ARGFX: variants seen among roughly 807,000 people sequenced by gnomAD.
ARGFX encodes arginine-fifty homeobox.
In ARGFX, 10 loss-of-function variants were observed where a neutral mutation model predicts 8.0. That is an observed-to-expected ratio of 1.25 (90% CI 0.77 to 2.12). The LOEUF (loss-of-function observed/expected upper bound fraction) is 2.12, where lower values mean the gene tolerates loss of function less well. Among genes scored for constraint, ARGFX ranks in the 30% most tolerant of loss-of-function variants. ARGFX has a pLI of 0.00. For synonymous variants in ARGFX, 116 were observed against 117.8 expected, an observed-to-expected ratio of 0.98 and a Z score of 0.10; for missense variants, 282 against 324.3, an observed-to-expected ratio of 0.87 and a Z score of 1.00.
chr3:121,588,192 G>A lies in ARGFX; in HGVS notation c.*1592G>A, dbSNP rs374449236. The stretch of plus-strand genomic sequence containing the variant: ...AGTAATAAAGAAACATAAGGGCTGG[G>A]GGTGGTGGCTCATGCCTGTAATCCC... On this transcript the variant is annotated 3_prime_UTR_variant, in exon 5 of 5. Coordinates refer to ENST00000334384, the MANE Select transcript of ARGFX (RefSeq NM_001012659.2). 1.2e-4 allele frequency among the ~76,000 whole-genome samples: 18 copies of A among 151,732 alleles called. No individual in the cohort carries two copies. The highest frequency in any genetic ancestry group is 4.4e-4 in the African/African-American group (18 of 41,352).
At chr3:121,571,789 G>A (rs1382362675) in intron 2 of ARGFX, among the ~76,000 whole-genome samples, 2 of 119,624 alleles carry the variant, frequency 1.7e-5, no homozygotes, top group Non-Finnish European at 3.3e-5. Context: ...TCACCATATT[G>A]GCCAGGCTGG....
intron 3 of ARGFX, among the ~76,000 whole-genome samples, chr3:121,578,174 TG>T (rs2048756328): frequency 6.8e-6 from 1 of 147,394 alleles, no homozygotes; most frequent in African/African-American, 2.6e-5. Flanking sequence ...TTGCCCAGGC[TG>T]GAGTGCAATG....
rs1348418238 is a variant in ARGFX, at chr3:121,589,233, A to C, written c.*2633A>C. 2.0e-5 allele frequency among the ~76,000 whole-genome samples: 3 copies of C among 152,216 alleles called. No individual in the cohort carries two copies. The highest frequency in any genetic ancestry group is 4.4e-5 in the Non-Finnish European group (3 of 68,032). The stretch of plus-strand genomic sequence containing the variant: ...TTGGAAAACACTTTTAACTGAAAAA[A>C]ACAAAAGCACAACAAACCAAAACAT... On this transcript the variant is annotated 3_prime_UTR_variant, in exon 5 of 5. Transcript: ENST00000334384.
At chr3:121,580,194 A>AT (rs2048769845) in intron 3 of ARGFX, among the ~76,000 whole-genome samples, 1 of 150,842 alleles carries the variant, frequency 6.6e-6, no homozygotes, top group South Asian at 2.1e-4. Flanking sequence ...TCGAACTCCT[A>AT]AGACAGAGCA....
At position 121,567,974 on chromosome 3, in the gene ARGFX, G is replaced by A. The variant is rs375210747; in HGVS notation, c.-52G>A. On this transcript the variant is annotated 5_prime_UTR_variant, in exon 1 of 5. Transcript: ENST00000334384. Reference sequence around the variant, plus strand: ...GCATTTCCAGAGAGAGACACACCACGTAGGACTGAAAATGGTTACTCTAAG... The same window carrying A: ...GCATTTCCAGAGAGAGACACACCACATAGGACTGAAAATGGTTACTCTAAG... Among the ~76,000 whole-genome samples, 90 of 152,194 alleles carry A rather than the reference G, an allele frequency of 5.9e-4. No individual in the cohort carries two copies. Among genetic ancestry groups the A allele is most frequent in the African/African-American group, 2.0e-3 (83 of 41,514 alleles).
chr3:121,570,816 A>C lies in ARGFX; in HGVS notation c.103A>C (p.Ser35Arg). 1 of 1,590,422 alleles carries C rather than the reference A, an allele frequency of 6.3e-7. No homozygotes were observed. The highest frequency in any genetic ancestry group is 8.6e-7 in the Non-Finnish European group (1 of 1,167,390). Residue 35 changes from serine to arginine, a missense_variant and splice_region_variant, in exon 2 of 5, where the codon AGT becomes CGT. Transcript: ENST00000334384. ...ACCACCACAGGATCCAGCTAGTCCC[A>C]GTGAGTATCATCCTTCTTTGTCCTC... ...VIPPQDPASP[S>R]FTLLSKLECS... is the part of the protein sequence containing the mutation.
rs563656311 is a variant in ARGFX at position 121,588,701 on chromosome 3, G to A, written c.*2101G>A. Among the ~76,000 whole-genome samples the A allele has an allele frequency of 7.3e-5, 11 of 151,168 alleles. 1 individual carries two copies. The South Asian group carries it at 1.5e-3, about 20-fold the overall frequency. On this transcript the variant is annotated 3_prime_UTR_variant, in exon 5 of 5. Transcript: ENST00000334384. The stretch of plus-strand genomic sequence containing the variant: ...TGGGAGGCCAAGGCGGGCAGATCAC[G>A]AGGTCAAGAGATCAAGACCATCCTG...
Position 121,588,896 on chromosome 3 carries a change from A to C in ARGFX, c.*2296A>C. On this transcript the variant is annotated 3_prime_UTR_variant, in exon 5 of 5. Transcript: ENST00000334384. ...CCAAACATGATGGAACGAAATTAGA[A>C]ATCAATAAAATTTGGGAAATTCACA... is the stretch of plus-strand genomic sequence containing the variant. Among the ~76,000 whole-genome samples, 1 of 152,364 alleles carries C rather than the reference A, an allele frequency of 6.6e-6. No homozygotes were observed. Among genetic ancestry groups the C allele is most frequent in the South Asian group, 2.1e-4 (1 of 4,834 alleles).
intron 3 of ARGFX, 58 bp downstream of exon 3, chr3:121,576,958 G>A (rs2048742382): frequency 4.8e-6 from 1 of 206,220 alleles, no homozygotes; most frequent in Non-Finnish European, 1.0e-5. Flanking sequence ...GGTCCAGACT[G>A]TTCTCAAACT....
intron 2 of ARGFX, among the ~76,000 whole-genome samples, chr3:121,571,730 A>ATTTTTTTTTTTTTTTTTTT (rs1173636701): frequency 2.8e-5 from 3 of 107,102 alleles, no homozygotes; most frequent in Admixed American, 1.1e-4. Context: ...TGCCCGGCAA[A>ATTTTTTTTTTTTTTTTTTT]TTTTTTTTTT....
Position 121,589,172 on chromosome 3 carries a change from C to CAATA in ARGFX, c.*2585_*2588dup, listed in dbSNP as rs778513914. On this transcript the variant is annotated 3_prime_UTR_variant, in exon 5 of 5. Coordinates refer to ENST00000334384, the MANE Select transcript of ARGFX (RefSeq NM_001012659.2). Reference sequence around the variant, plus strand: ...CTTGAGCAACACAGTGATACTGTCTCAATAAATAAATAAATAGAAGAAATC... The same window carrying CAATA: ...CTTGAGCAACACAGTGATACTGTCTCAATAAATAAATAAATAAATAGAAGAAATC... Among the ~76,000 whole-genome samples the CAATA allele has an allele frequency of 6.6e-6, 1 of 151,810 alleles. No individual in the cohort carries two copies. The highest frequency in any genetic ancestry group is 1.5e-5 in the Non-Finnish European group (1 of 68,000).
chr3:121,577,253 A>AT (rs1456963912), intron 3 of ARGFX, among the ~76,000 whole-genome samples: 96 of 53,282 alleles, frequency 1.8e-3, no homozygotes, highest in South Asian at 7.4e-3. Context: ...ATATATATAT[A>AT]TATATATTTT....
At chr3:121,581,836 G>A (rs1022492577) in intron 3 of ARGFX, among the ~76,000 whole-genome samples, 1 of 152,056 alleles carries the variant, frequency 6.6e-6, no homozygotes, top group African/African-American at 2.4e-5. Flanking sequence ...CAGGGAGATG[G>A]CAGTTGCAGT....
intron 4 of ARGFX, among the ~76,000 whole-genome samples, chr3:121,585,337 T>A (rs575121000): frequency 1.3e-5 from 2 of 152,260 alleles, no homozygotes; most frequent in African/African-American, 4.8e-5. Context: ...ATCTTATTTT[T>A]AATACTTGTA....
chr3:121,575,809 A>G (rs1313906730), intron 2 of ARGFX, among the ~76,000 whole-genome samples: 1 of 152,098 alleles, frequency 6.6e-6, no homozygotes, highest in Non-Finnish European at 1.5e-5. Context: ...GCTACTTGGG[A>G]GGCTGAGGCA....
At position 121,586,622 on chromosome 3, in the gene ARGFX, A is replaced by G; in HGVS notation, c.*22A>G. 6.4e-7 allele frequency: 1 copy of G among 1,567,396 alleles called. No individual in the cohort carries two copies. The highest frequency in any genetic ancestry group is 8.7e-7 in the Non-Finnish European group (1 of 1,155,070). ...CTGACCAGAGTACTAATAAATATAG[A>G]TCATTTAGAAAAGTGGTCTTCTTGC... On this transcript the variant is annotated 3_prime_UTR_variant, in exon 5 of 5. Transcript: ENST00000334384.
chr3:121,569,461 G>A (rs2048694366), intron 1 of ARGFX, among the ~76,000 whole-genome samples: 3 of 151,508 alleles, frequency 2.0e-5, no homozygotes, highest in African/African-American at 7.3e-5. Context: ...TGCCTCCTGG[G>A]TTCAAGCGAT....
At chr3:121,575,138 T>C (rs911733354) in intron 2 of ARGFX, among the ~76,000 whole-genome samples, 4 of 151,976 alleles carry the variant, frequency 2.6e-5, no homozygotes, top group African/African-American at 9.6e-5. Flanking sequence ...GCCAACATGG[T>C]GAGACCCCCC....
intron 2 of ARGFX, among the ~76,000 whole-genome samples, chr3:121,571,343 A>T (rs540125935): frequency 6.6e-6 from 1 of 152,244 alleles, no homozygotes; most frequent in South Asian, 2.1e-4. Context: ...GTAAAACTGT[A>T]TAAAAATCTG....
Sources: gnomAD v4.1 joint callset for allele counts (sites outside exome capture counted in the v4.1 genomes callset) on GRCh38, gnomAD v4.1.1 for gene constraint, MANE v1.5 for transcripts, NCBI Gene and HGNC (gene_info 2026-07-23, HGNC 2026-07-21) for gene names.